TANC2: variants seen among roughly 807,000 people sequenced by gnomAD.
The protein encoded by TANC2 is protein TANC2.
A neutral mutation model predicts 210.5 loss-of-function variants in TANC2; 26 were observed. The ratio of observed to expected loss-of-function variants is 0.12; its 90% CI spans 0.09 to 0.17. The LOEUF is 0.17. TANC2 is among the 10% of genes least tolerant of loss of function. TANC2 has a pLI of 1.00. For synonymous variants in TANC2, 931 were observed against 967.1 expected (o/e 0.96, Z 0.69); for missense variants, 2,129 against 2,608.9 (o/e 0.82, Z 4.01).
At chr17:63,008,933 T>C (rs1249308070) in intron 1 of TANC2, among the ~76,000 whole-genome samples, 1 of 152,112 alleles carries the variant, frequency 6.6e-6, no homozygotes, top group Non-Finnish European at 1.5e-5. Context: ...TAGACAGTAT[T>C]TATAGCTACC....
intron 3 of TANC2, among the ~76,000 whole-genome samples, chr17:63,087,759 A>G (rs915042785): frequency 3.3e-5 from 5 of 152,102 alleles, no homozygotes; most frequent in African/African-American, 4.8e-5. Context: ...TGAGCCTCCA[A>G]TAATTCATCA....
At chr17:63,007,291 C>T (rs2033665941) in intron 1 of TANC2, among the ~76,000 whole-genome samples, 1 of 152,026 alleles carries the variant, frequency 6.6e-6, no homozygotes. Flanking sequence ...TTAAGAAATG[C>T]CTTTCTTTAG....
At chr17:63,169,059 C>T (rs1412061243) in intron 5 of TANC2, among the ~76,000 whole-genome samples, 1 of 152,174 alleles carries the variant, frequency 6.6e-6, no homozygotes, top group Non-Finnish European at 1.5e-5. Context: ...AGAGTTTCCT[C>T]AACCAGTTAC....
chr17:63,154,684 TTTA>T (rs2039774350), intron 5 of TANC2: 1 of 152,074 alleles, frequency 6.6e-6, no homozygotes, highest in South Asian at 2.1e-4. Flanking sequence ...GTTAGTTGAT[TTTA>T]TTATTTTTGC....
chr17:63,193,905 A>G, intron 5 of TANC2, 86 bp from the exon 6 acceptor site: 3 of 1,367,550 alleles, frequency 2.2e-6, no homozygotes, highest in Admixed American at 3.0e-5. Context: ...AACTAAAGAA[A>G]TGACCAAAGT....
chr17:63,325,210 C>A (rs981397189), intron 11 of TANC2, among the ~76,000 whole-genome samples: 5 of 152,106 alleles, frequency 3.3e-5, no homozygotes, highest in African/African-American at 1.2e-4. Flanking sequence ...CAGAAATTGC[C>A]AAATGTTTCC....
At chr17:63,054,024 A>G (rs1222589666) in intron 2 of TANC2, among the ~76,000 whole-genome samples, 1 of 152,202 alleles carries the variant, frequency 6.6e-6, no homozygotes, top group East Asian at 1.9e-4. Flanking sequence ...GAGAGCCTTG[A>G]AAAAGAACAC....
chr17:63,104,511 C>A (rs1416125670), intron 4 of TANC2, among the ~76,000 whole-genome samples: 1 of 152,088 alleles, frequency 6.6e-6, no homozygotes, highest in Non-Finnish European at 1.5e-5. Context: ...CTTAATACAC[C>A]AATCTTATTA....
chr17:63,400,299 A>T (rs1381294380), intron 19 of TANC2, among the ~76,000 whole-genome samples: 2 of 152,272 alleles, frequency 1.3e-5, no homozygotes, highest in Non-Finnish European at 2.9e-5. Context: ...TATCAAACAC[A>T]TTCTAATGGT....
chr17:63,233,133 C>A (rs2042524640), intron 7 of TANC2, among the ~76,000 whole-genome samples: 1 of 152,216 alleles, frequency 6.6e-6, no homozygotes, highest in Non-Finnish European at 1.5e-5. Context: ...CAGACTGGAG[C>A]TGCAGTGATG....
intron 7 of TANC2, among the ~76,000 whole-genome samples, chr17:63,233,844 G>C (rs188911367): frequency 6.6e-6 from 1 of 151,986 alleles, no homozygotes; most frequent in South Asian, 2.1e-4. Context: ...TTGTTTTTTC[G>C]TCTTTACCTG....
At chr17:62,986,883 G>A (rs1242296695) in intron 1 of TANC2, among the ~76,000 whole-genome samples, 1 of 152,092 alleles carries the variant, frequency 6.6e-6, no homozygotes, top group Non-Finnish European at 1.5e-5. Context: ...TTGCACAGCT[G>A]CTCAGCAAGC....
rs148682877 is a variant in TANC2, at chr17:62,975,298, C to T, written c.-24+8549C>T. Among the ~76,000 whole-genome samples, 96 of 152,222 alleles carry T rather than the reference C, an allele frequency of 6.3e-4. 2 individuals carry two copies. The East Asian group carries it at 0.018, about 29-fold the overall frequency. On this transcript the variant is annotated intron_variant, in intron 1 of 27. Transcript: ENST00000689528. ...TTGTGGTTGCTGAAATTTGGTAAGG[C>T]ACAGCTAGTTAGGTTATAGGTTATA...
chr17:63,264,408 G>A (rs1310440734), intron 8 of TANC2, among the ~76,000 whole-genome samples: 4 of 152,126 alleles, frequency 2.6e-5, no homozygotes, highest in Non-Finnish European at 5.9e-5. Flanking sequence ...GTTTTGGGGA[G>A]CAGCAAATGC....
At chr17:63,294,532 A>G (rs552613769) in intron 9 of TANC2, among the ~76,000 whole-genome samples, 1 of 152,190 alleles carries the variant, frequency 6.6e-6, no homozygotes, top group Non-Finnish European at 1.5e-5. Context: ...TGTATGCCCT[A>G]TTAGAATGCT....
At chr17:63,250,401 T>C (rs893722134) in intron 8 of TANC2, among the ~76,000 whole-genome samples, 4 of 152,058 alleles carry the variant, frequency 2.6e-5, no homozygotes, top group Non-Finnish European at 4.4e-5. Flanking sequence ...ATCTTCCCAA[T>C]ATAATGTTAA....
At chr17:63,044,937 A>G (rs2035321756) in intron 2 of TANC2, among the ~76,000 whole-genome samples, 1 of 151,478 alleles carries the variant, frequency 6.6e-6, no homozygotes. Flanking sequence ...TTTCTTATTG[A>G]TTTATAGGAA....
At chr17:63,314,254 CA>C (rs2045236818) in intron 9 of TANC2, 133 bp from the exon 10 acceptor site, 1 of 923,820 alleles carries the variant, frequency 1.1e-6, no homozygotes, top group Non-Finnish European at 1.6e-6. Context: ...TTCGCAGTTG[CA>C]TTATTTCTGA....
At chr17:63,016,547 T>A (rs4337361) in intron 2 of TANC2, among the ~76,000 whole-genome samples, 144,220 of 152,272 alleles carry the variant, frequency 0.95, 68,391 homozygotes, top group South Asian at 0.99. Flanking sequence ...GAATATGAGT[T>A]TCTTTGAGTT....
Sources: allele counts gnomAD v4.1 joint callset (sites outside exome capture counted in the v4.1 genomes callset), GRCh38; gene constraint gnomAD v4.1.1; transcripts MANE v1.5; gene names NCBI Gene and HGNC (gene_info 2026-07-23, HGNC 2026-07-21).